The following PIK3CB variants were observed in gnomAD, a reference collection of about 807,000 sequenced individuals.
PIK3CB encodes phosphatidylinositol 4,5-bisphosphate 3-kinase catalytic subunit beta isoform.
A neutral mutation model predicts 136.8 loss-of-function variants in PIK3CB; 39 were observed. That is an observed-to-expected ratio of 0.29 (90% CI 0.22 to 0.37). The LOEUF is 0.37. PIK3CB is among the 10% of genes least tolerant of loss of function. The pLI is 1.00. For missense variants in PIK3CB, 868 were observed against 1,275.4 expected (o/e 0.68, Z 4.87); for synonymous variants, 428 against 436.6 (o/e 0.98, Z 0.25).
intron 8 of PIK3CB, among the ~76,000 whole-genome samples, chr3:138,719,964 T>C (rs1012457481): frequency 6.6e-6 from 1 of 151,674 alleles, no homozygotes; most frequent in Non-Finnish European, 1.5e-5. Flanking sequence ...AAATGAGACC[T>C]GAAGAAATAG....
Position 138,653,347 on chromosome 3 carries a change from G to A in PIK3CB, c.*2042C>T, listed in dbSNP as rs115305160. ...TCAACTACTCTGTGACTATGGTCAC[G>A]TTACTTAACCCTTCAAAGAAAACAG... On this transcript the variant is annotated 3_prime_UTR_variant, in exon 24 of 24. Transcript: ENST00000674063. The A allele has an allele frequency of 8.6e-4, 150 of 175,206 alleles. 1 individual carries two copies. The highest frequency in any genetic ancestry group is 1.7e-3 in the Non-Finnish European group (135 of 81,280). 10.9% of individuals were successfully genotyped at this position (175,206 alleles called of 1,614,324 possible). A position where few individuals can be genotyped will look rare whatever the true frequency, so the allele number is the denominator to read the frequency against.
At chr3:138,724,969 C>T (rs2044806057) in intron 8 of PIK3CB, among the ~76,000 whole-genome samples, 1 of 151,254 alleles carries the variant, frequency 6.6e-6, no homozygotes, top group Non-Finnish European at 1.5e-5. Flanking sequence ...TTCAGTGTTC[C>T]AGGCACTGAA....
At chr3:138,707,014 G>A in intron 11 of PIK3CB, 145 bp downstream of exon 11, 1 of 673,694 alleles carries the variant, frequency 1.5e-6, no homozygotes, top group Non-Finnish European at 2.6e-6. Context: ...AGTTAAGAAG[G>A]CTCCCTGATC....
chr3:138,792,984 G>A (rs1295884469), intron 2 of PIK3CB, among the ~76,000 whole-genome samples: 1 of 152,138 alleles, frequency 6.6e-6, no homozygotes, highest in Non-Finnish European at 1.5e-5. Context: ...ATAATGTAGG[G>A]ATTGAGGTTA....
chr3:138,811,031 A>G (rs1166999513), intron 1 of PIK3CB, among the ~76,000 whole-genome samples: 2 of 151,900 alleles, frequency 1.3e-5, no homozygotes, highest in Non-Finnish European at 2.9e-5. Context: ...GTTTGACACC[A>G]GCCTGGTCAA....
intron 8 of PIK3CB, among the ~76,000 whole-genome samples, chr3:138,724,581 G>C (rs2044798627): frequency 6.6e-6 from 1 of 152,154 alleles, no homozygotes; most frequent in African/African-American, 2.4e-5. Flanking sequence ...TCACGTGGTT[G>C]GTTTCTCTGG....
chr3:138,722,732 C>A (rs1315758834), intron 8 of PIK3CB, among the ~76,000 whole-genome samples: 1 of 148,796 alleles, frequency 6.7e-6, no homozygotes, highest in African/African-American at 2.5e-5. Flanking sequence ...TTATAATGGG[C>A]TAAAAAAAAG....
chr3:138,730,831 C>A (rs969913348), intron 8 of PIK3CB, among the ~76,000 whole-genome samples: 1 of 152,012 alleles, frequency 6.6e-6, no homozygotes, highest in Admixed American at 6.6e-5. Context: ...ACTTGGGAGG[C>A]TGAGGTAGGA....
intron 12 of PIK3CB, among the ~76,000 whole-genome samples, chr3:138,703,314 T>G: frequency 6.6e-6 from 1 of 152,220 alleles, no homozygotes; most frequent in Non-Finnish European, 1.5e-5. Flanking sequence ...GCCAGACATT[T>G]CACCAACTGG....
chr3:138,733,504 G>A, intron 7 of PIK3CB, 66 bp from the exon 8 acceptor site: 1 of 801,140 alleles, frequency 1.2e-6, no homozygotes. Flanking sequence ...TGCTAGCAAT[G>A]CAATTGTCAT....
At chr3:138,763,122 G>T (rs2045684861) in intron 2 of PIK3CB, among the ~76,000 whole-genome samples, 1 of 45,996 alleles carries the variant, frequency 2.2e-5, no homozygotes. Flanking sequence ...ATGAAAGTTA[G>T]TATGTATGTA....
rs146470519 is a variant in PIK3CB, at chr3:138,757,478, AACACACACAC to A, written c.172-1509_172-1500del. Among the ~76,000 whole-genome samples the A allele has an allele frequency of 7.0e-4, 95 of 136,432 alleles. No homozygotes were observed. The East Asian group carries it at 7.1e-3, about 10-fold the overall frequency. 89.5% of individuals were successfully genotyped at this position (136,432 alleles called of 152,430 possible). A position where few individuals can be genotyped will look rare whatever the true frequency, so the allele number is the denominator to read the frequency against. Reference sequence around the variant, plus strand: ...ACATCCATTAGGATGGATACTATTAAACACACACACACACACACACACACACACACACACA... The same window carrying A: ...ACATCCATTAGGATGGATACTATTAAACACACACACACACACACACACACA... On this transcript the variant is annotated intron_variant, in intron 3 of 23. Coordinates refer to ENST00000674063, the MANE Select transcript of PIK3CB (RefSeq NM_006219.3).
At chr3:138,808,957 GA>G (rs1226202970) in intron 1 of PIK3CB, among the ~76,000 whole-genome samples, 2 of 150,934 alleles carry the variant, frequency 1.3e-5, no homozygotes, top group African/African-American at 2.4e-5. Flanking sequence ...CAAGATCTAT[GA>G]AAAAAAAATT....
rs1577031435 is a variant in PIK3CB, at chr3:138,655,000, G to C, written c.*389C>G. 4.3e-6 allele frequency: 1 copy of C among 233,324 alleles called. No individual in the cohort carries two copies. The highest frequency in any genetic ancestry group is 8.4e-6 in the Non-Finnish European group (1 of 118,554). 14.5% of individuals were successfully genotyped at this position (233,324 alleles called of 1,614,324 possible). A position where few individuals can be genotyped will look rare whatever the true frequency, so the allele number is the denominator to read the frequency against. On this transcript the variant is annotated 3_prime_UTR_variant, in exon 24 of 24. Coordinates refer to ENST00000674063, the MANE Select transcript of PIK3CB (RefSeq NM_006219.3). The stretch of plus-strand genomic sequence containing the variant: ...CAGTAAGAACAGCCACCAACCCCCA[G>C]GTGTGGAAAAGTTGTTGGCTGAGTG...
intron 2 of PIK3CB, among the ~76,000 whole-genome samples, chr3:138,781,645 T>C (rs2045925264): frequency 6.6e-6 from 1 of 151,962 alleles, no homozygotes; most frequent in African/African-American, 2.4e-5. Context: ...TAGTAGAGAC[T>C]GGGTTTGTCA....
intron 8 of PIK3CB, among the ~76,000 whole-genome samples, chr3:138,730,435 A>G (rs990281816): frequency 3.9e-5 from 6 of 152,226 alleles, no homozygotes; most frequent in Non-Finnish European, 7.3e-5. Flanking sequence ...ACCATAAACA[A>G]ATCAAAGAAC....
intron 10 of PIK3CB, 103 bp from the exon 11 acceptor site, chr3:138,707,392 G>A: frequency 7.0e-7 from 1 of 1,431,710 alleles, no homozygotes; most frequent in Non-Finnish European, 9.1e-7. Context: ...TTAGAAGTAT[G>A]TCAACTACAG....
At chr3:138,780,336 T>C (rs1198528708) in intron 2 of PIK3CB, among the ~76,000 whole-genome samples, 1 of 151,684 alleles carries the variant, frequency 6.6e-6, no homozygotes, top group East Asian at 1.9e-4. Context: ...AGTGGTGCAA[T>C]CTCGGCTCAC....
At chr3:138,685,396 C>CAAAAAAAAAA (rs398052626) in intron 16 of PIK3CB, among the ~76,000 whole-genome samples, 65 of 58,314 alleles carry the variant, frequency 1.1e-3, no homozygotes, top group African/African-American at 3.0e-3. Flanking sequence ...GAAACTGTCT[C>CAAAAAAAAAA]AAAAAAAAAA....
Sources: gnomAD v4.1 joint callset for allele counts (sites outside exome capture counted in the v4.1 genomes callset) on GRCh38, gnomAD v4.1.1 for gene constraint, MANE v1.5 for transcripts, NCBI Gene and HGNC (gene_info 2026-07-23, HGNC 2026-07-21) for gene names.